PTPRE: variants seen among roughly 807,000 people sequenced by gnomAD.
The protein encoded by PTPRE is receptor-type tyrosine-protein phosphatase epsilon.
In PTPRE, 51 loss-of-function variants were observed where a neutral mutation model predicts 102.0. The ratio of observed to expected loss-of-function variants is 0.50; its 90% confidence interval spans 0.40 to 0.63. The LOEUF (loss-of-function observed/expected upper bound fraction) is 0.63. Among genes scored for constraint, PTPRE ranks in the 30% least tolerant of loss-of-function variants. The pLI, the probability that PTPRE is intolerant of heterozygous loss-of-function variation, is 0.00. For missense variants in PTPRE, 752 were observed against 915.1 expected (o/e 0.82, Z 2.30); for synonymous variants, 345 against 348.2 (o/e 0.99, Z 0.10).
intron 2 of PTPRE, 22 bp downstream of exon 2, chr10:127,982,318 A>C: frequency 8.2e-7 from 1 of 1,213,508 alleles, no homozygotes. Flanking sequence ...ACTTTTTAAA[A>C]ATTATTTTTG....
chr10:128,072,304 A>G (rs902821702), intron 16 of PTPRE, 90 bp downstream of exon 16: 57 of 1,170,018 alleles, frequency 4.9e-5, no homozygotes, highest in Middle Eastern at 2.0e-4. Flanking sequence ...ACAATGAGAA[A>G]GAATTGACAT....
chr10:128,026,005 T>C (rs1190999053), intron 2 of PTPRE, among the ~76,000 whole-genome samples: 2 of 152,120 alleles, frequency 1.3e-5, no homozygotes, highest in African/African-American at 4.8e-5. Context: ...CAGGGTGTGC[T>C]CAGAATTCAC....
rs532115088 is a variant in PTPRE at position 127,908,833 on chromosome 10, C to T, written c.-31+1524C>T. On this transcript the variant is annotated intron_variant, in intron 1 of 20. Transcript: ENST00000254667. ...CCGCCCCCTCCCTGCCCCAACAGAC[C>T]GTTCCCATGTGGACAAGAGCTAGGA... Among the ~76,000 whole-genome samples, 5 of 152,290 alleles carry T rather than the reference C, an allele frequency of 3.3e-5. No homozygotes were observed. In the South Asian group the frequency reaches 6.2e-4, roughly 19 times the overall value.
chr10:127,918,484 G>A (rs1481250236), intron 1 of PTPRE, among the ~76,000 whole-genome samples: 2 of 151,416 alleles, frequency 1.3e-5, no homozygotes, highest in Non-Finnish European at 2.9e-5. Context: ...GCATGAACCC[G>A]GGAGGCGGAG....
At chr10:128,013,865 T>C (rs1845210510) in intron 2 of PTPRE, among the ~76,000 whole-genome samples, 1 of 152,140 alleles carries the variant, frequency 6.6e-6, no homozygotes, top group Non-Finnish European at 1.5e-5. Context: ...ACTAAGACAG[T>C]GTGTAGAGGG....
In PTPRE at chr10:127,946,515, G is replaced by A. The variant is rs1357825758; in HGVS notation, c.-30-35759G>A. On this transcript the variant is annotated intron_variant, in intron 1 of 20. Coordinates refer to ENST00000254667, the MANE Select transcript of PTPRE (RefSeq NM_006504.6). ...CATCATGGAGCAGTCTGCAGCCCCT[G>A]GGAGATATTCATCAGACCTCGCAGG... is the stretch of plus-strand genomic sequence containing the variant. Among the ~76,000 whole-genome samples, 4 of 115,550 alleles carry A rather than the reference G, an allele frequency of 3.5e-5. 1 individual carries two copies. Among genetic ancestry groups the A allele is most frequent in the African/African-American group, 1.2e-4 (4 of 34,258 alleles). 75.8% of individuals were successfully genotyped at this position (115,550 alleles called of 152,430 possible).
chr10:127,983,407 G>C (rs1851802955), intron 2 of PTPRE, among the ~76,000 whole-genome samples: 1 of 152,068 alleles, frequency 6.6e-6, no homozygotes, highest in South Asian at 2.1e-4. Flanking sequence ...ACTCTTCTTG[G>C]GTAAATGTCA....
In PTPRE at chr10:128,077,796, C is replaced by A; in HGVS notation, c.1892+13C>A. The A allele has an allele frequency of 2.5e-6, 4 of 1,576,974 alleles. No individual in the cohort carries two copies. Among genetic ancestry groups the A allele is most frequent in the Middle Eastern group, 1.7e-4 (1 of 5,926 alleles). On this transcript the variant is annotated intron_variant, in intron 19 of 20. Transcript: ENST00000254667. Reference sequence around the variant, plus strand: ...CCGTGCACTGCAGGTGAGCCCCCAGCCCGAAGCCCTCCAGGTGGGGTGGAC... The same window carrying A: ...CCGTGCACTGCAGGTGAGCCCCCAGACCGAAGCCCTCCAGGTGGGGTGGAC...
intron 2 of PTPRE, among the ~76,000 whole-genome samples, chr10:128,011,137 C>T (rs910281798): frequency 6.6e-6 from 1 of 152,200 alleles, no homozygotes; most frequent in Non-Finnish European, 1.5e-5. Context: ...GTAATTCTCT[C>T]TGTCATTCTA....
intron 7 of PTPRE, among the ~76,000 whole-genome samples, chr10:128,060,242 A>G (rs1410381693): frequency 7.0e-6 from 1 of 142,848 alleles, no homozygotes. Context: ...CACATACACA[A>G]CCACACACAC....
chr10:128,006,282 C>T (rs745318904), intron 2 of PTPRE, among the ~76,000 whole-genome samples: 2 of 152,192 alleles, frequency 1.3e-5, no homozygotes, highest in Non-Finnish European at 2.9e-5. Flanking sequence ...CCTAAATTGG[C>T]ATTGGCACCA....
chr10:127,922,266 G>A (rs1223717764), intron 1 of PTPRE, among the ~76,000 whole-genome samples: 3 of 152,208 alleles, frequency 2.0e-5, no homozygotes, highest in African/African-American at 7.2e-5. Context: ...GTGAATGGAA[G>A]GCCTTCTGGT....
At chr10:127,977,714 C>A (rs1851288131) in intron 1 of PTPRE, among the ~76,000 whole-genome samples, 1 of 152,190 alleles carries the variant, frequency 6.6e-6, no homozygotes, top group African/African-American at 2.4e-5. Context: ...TCCGTCTTTC[C>A]ATATCTTGTG....
chr10:128,075,159 CATT>C (rs1354976561), intron 17 of PTPRE, among the ~76,000 whole-genome samples: 26 of 152,306 alleles, frequency 1.7e-4, no homozygotes, highest in African/African-American at 5.8e-4. Flanking sequence ...CATTCGTCAT[CATT>C]ATTTCATTAT....
rs375128820 is a variant in PTPRE, at chr10:128,008,715, C to T, written c.-8+26419C>T. Among the ~76,000 whole-genome samples, 10 of 152,302 alleles carry T rather than the reference C, an allele frequency of 6.6e-5. No individual in the cohort carries two copies. The East Asian group carries it at 7.7e-4, about 12-fold the overall frequency. On this transcript the variant is annotated intron_variant, in intron 2 of 20. Transcript: ENST00000254667. The surrounding 1 kb of genome is among the most constrained non-coding windows in gnomAD (Gnocchi z 4.0). The stretch of plus-strand genomic sequence containing the variant: ...ACTCAAGGATGTAAGAAGTAGGAGA[C>T]GCAGGATCAGGGGCACAGAGCTGCC...
intron 2 of PTPRE, among the ~76,000 whole-genome samples, chr10:127,984,777 T>C (rs1382285213): frequency 6.6e-6 from 1 of 152,238 alleles, no homozygotes; most frequent in Non-Finnish European, 1.5e-5. Flanking sequence ...ATGTGAGACG[T>C]GCCTTTCACC....
chr10:128,021,084 A>G (rs1845839260), intron 2 of PTPRE, among the ~76,000 whole-genome samples: 1 of 151,926 alleles, frequency 6.6e-6, no homozygotes, highest in Non-Finnish European at 1.5e-5. Context: ...TTTAGCAGAG[A>G]TGGAGTTTCG....
chr10:127,949,830 G>C (rs965582709), intron 1 of PTPRE, among the ~76,000 whole-genome samples: 42 of 152,262 alleles, frequency 2.8e-4, no homozygotes, highest in African/African-American at 9.1e-4. Flanking sequence ...GGAAATTTGG[G>C]ATGGGGAAAC....
At chr10:128,071,026 C>A in intron 15 of PTPRE, 125 bp downstream of exon 15, 1 of 931,172 alleles carries the variant, frequency 1.1e-6, no homozygotes. Flanking sequence ...TGTCCTCTGG[C>A]CTCAGGCTAA....
Sources: gnomAD v4.1 joint callset for allele counts (sites outside exome capture counted in the v4.1 genomes callset) on GRCh38, gnomAD v4.1.1 for gene constraint, Gnocchi (gnomAD v3.1) non-coding constraint, MANE v1.5 for transcripts, NCBI Gene and HGNC (gene_info 2026-07-23, HGNC 2026-07-21) for gene names.